The following TMCO6 variants were observed in gnomAD, a reference collection of about 807,000 sequenced individuals.
TMCO6 encodes transmembrane and coiled-coil domain-containing protein 6.
In TMCO6, 47 loss-of-function variants were observed where a neutral mutation model predicts 61.8. The ratio of observed to expected loss-of-function variants is 0.76; its 90% CI spans 0.60 to 0.97. TMCO6 has a LOEUF of 0.97. Ranked by LOEUF, TMCO6 falls within the 50% of genes least tolerant of loss-of-function variation. The pLI is 0.00. For missense variants in TMCO6, 557 were observed against 601.6 expected (o/e 0.93, Z 0.78); for synonymous variants, 261 against 254.2 (o/e 1.03, Z -0.25).
the TMCO6 span, among the ~76,000 whole-genome samples, chr5:140,613,191 G>A: frequency 6.6e-6 from 1 of 151,954 alleles, no homozygotes; most frequent in Non-Finnish European, 1.5e-5. Context: ...GAGCTCGAGA[G>A]CATCCTGGCC....
chr5:140,647,027 C>T (rs577196441), downstream of TMCO6: 17 of 503,906 alleles, frequency 3.4e-5, no homozygotes, highest in East Asian at 5.1e-4. Flanking sequence ...ACGTCAGCTC[C>T]TGGTCCCTAC....
the TMCO6 span, among the ~76,000 whole-genome samples, chr5:140,630,309 A>T: frequency 7.4e-6 from 1 of 135,154 alleles, no homozygotes; most frequent in African/African-American, 3.0e-5. Flanking sequence ...ATTACTCTTT[A>T]AAAAAAATTT....
At chr5:140,647,699 C>T, downstream of TMCO6, 1 of 1,421,492 alleles carries the variant, frequency 7.0e-7, no homozygotes, top group Non-Finnish European at 9.7e-7. Flanking sequence ...CGGGGTAAAG[C>T]TTGGCCAATG....
At chr5:140,625,402 T>C in the TMCO6 span, among the ~76,000 whole-genome samples, 168 of 152,310 alleles carry the variant, frequency 1.1e-3, no homozygotes, top group African/African-American at 3.7e-3. Context: ...TGCCAATGTC[T>C]TCCAGGGCCT....
At chr5:140,602,849 C>T in the TMCO6 span, among the ~76,000 whole-genome samples, 1 of 151,986 alleles carries the variant, frequency 6.6e-6, no homozygotes, top group Non-Finnish European at 1.5e-5. Context: ...GTGGCTCACG[C>T]CTGTAATCCC....
chr5:140,610,977 G>GT, the TMCO6 span, among the ~76,000 whole-genome samples: 11 of 152,092 alleles, frequency 7.2e-5, no homozygotes, highest in African/African-American at 1.9e-4. Context: ...TAATCACGTG[G>GT]TTTTTTATTT....
the TMCO6 span, among the ~76,000 whole-genome samples, chr5:140,624,435 T>C: frequency 1.3e-5 from 2 of 152,186 alleles, no homozygotes; most frequent in Admixed American, 1.3e-4. Context: ...ACCAGAGTTG[T>C]GTAACTATAA....
chr5:140,615,277 T>C, the TMCO6 span, among the ~76,000 whole-genome samples: 1 of 152,136 alleles, frequency 6.6e-6, no homozygotes, highest in Admixed American at 6.5e-5. Context: ...AACTACAAAA[T>C]GTTTCTCAGA....
the TMCO6 span, among the ~76,000 whole-genome samples, chr5:140,621,701 A>C: frequency 6.6e-6 from 1 of 152,230 alleles, no homozygotes; most frequent in East Asian, 1.9e-4. Flanking sequence ...TTTTAAAAGC[A>C]AATGGGAGAA....
the TMCO6 span, among the ~76,000 whole-genome samples, chr5:140,602,090 T>C: frequency 6.6e-6 from 1 of 152,224 alleles, no homozygotes; most frequent in African/African-American, 2.4e-5. Flanking sequence ...TTTCCTACTA[T>C]TTCTATTCTC....
At chr5:140,644,495 C>T in intron 10 of TMCO6, 78 bp from the exon 11 acceptor site, 1 of 1,541,672 alleles carries the variant, frequency 6.5e-7, no homozygotes, top group East Asian at 2.3e-5. Context: ...GGCATGTGGT[C>T]ACCATGTCAT....
downstream of TMCO6, chr5:140,647,649 G>A: frequency 6.4e-7 from 1 of 1,565,964 alleles, no homozygotes; most frequent in Non-Finnish European, 8.7e-7. Flanking sequence ...GACCAACCGC[G>A]GACCCTAAAG....
upstream of TMCO6, among the ~76,000 whole-genome samples, chr5:140,638,270 G>C (rs1285219274): frequency 6.6e-6 from 1 of 152,122 alleles, no homozygotes; most frequent in East Asian, 1.9e-4. Flanking sequence ...ATTTTTTTAG[G>C]TAATGTGGGC....
At chr5:140,627,854 C>T in the TMCO6 span, among the ~76,000 whole-genome samples, 2 of 150,976 alleles carry the variant, frequency 1.3e-5, no homozygotes, top group African/African-American at 4.9e-5. Context: ...CAAGATTCTG[C>T]CACTGCACTC....
upstream of TMCO6, among the ~76,000 whole-genome samples, chr5:140,637,133 G>A (rs1756787210): frequency 6.6e-6 from 1 of 152,122 alleles, no homozygotes; most frequent in South Asian, 2.1e-4. Flanking sequence ...CAGCTTGTGC[G>A]AGAGCCTCCC....
downstream of TMCO6, chr5:140,646,955 T>G: frequency 3.3e-6 from 1 of 302,796 alleles, no homozygotes; most frequent in East Asian, 6.7e-5. Context: ...GGCTACACGT[T>G]ATTTGGAGAA....
chr5:140,640,812 G>A (rs1034960286), intron 2 of TMCO6, among the ~76,000 whole-genome samples: 1 of 152,172 alleles, frequency 6.6e-6, no homozygotes, highest in Non-Finnish European at 1.5e-5. Context: ...TTGAAAACCC[G>A]GTTGCCTGCA....
chr5:140,644,766 A>C (rs753631769), intron 11 of TMCO6, 26 bp downstream of exon 11: 2 of 1,613,318 alleles, frequency 1.2e-6, no homozygotes, highest in Non-Finnish European at 1.7e-6. Flanking sequence ...CCACATCCTC[A>C]GTCACCCCTG....
At chr5:140,624,194 G>A in the TMCO6 span, among the ~76,000 whole-genome samples, 4 of 151,858 alleles carry the variant, frequency 2.6e-5, no homozygotes, top group African/African-American at 9.7e-5. Context: ...GTGAAACCCC[G>A]TCTCTACTAA....
Sources: allele counts gnomAD v4.1 joint callset (sites outside exome capture counted in the v4.1 genomes callset), GRCh38; gene constraint gnomAD v4.1.1; transcripts MANE v1.5; gene names NCBI Gene and HGNC (gene_info 2026-07-23, HGNC 2026-07-21).